DYNC2I1: variants seen among roughly 807,000 people sequenced by gnomAD.
DYNC2I1 encodes the protein dynein 2 intermediate chain 1.
In DYNC2I1, 89 loss-of-function variants were observed where a neutral mutation model predicts 133.4. That is an observed-to-expected ratio of 0.67 (90% CI 0.56 to 0.80). DYNC2I1 has a LOEUF of 0.80. Ranked by LOEUF, DYNC2I1 falls within the 30% of genes least tolerant of loss-of-function variation. The probability of loss-of-function intolerance (pLI) is 0.00; values close to 1 mark genes in which losing one functional copy is unlikely to be tolerated. For synonymous variants in DYNC2I1, 504 were observed against 484.3 expected, an observed-to-expected ratio of 1.04 and a Z score of -0.54; for missense variants, 1,291 against 1,314.5, an observed-to-expected ratio of 0.98 and a Z score of 0.28.
intron 13 of DYNC2I1, among the ~76,000 whole-genome samples, chr7:158,913,826 A>G (rs898119500): frequency 2.6e-5 from 4 of 152,120 alleles, no homozygotes; most frequent in African/African-American, 9.7e-5. Flanking sequence ...CTCCTGCCTC[A>G]GCCTCCCGAG....
chr7:158,924,221 T>C (rs2527187), intron 17 of DYNC2I1, among the ~76,000 whole-genome samples: 128,099 of 152,246 alleles, frequency 0.84, 54,038 homozygotes, highest in East Asian at 0.95. Flanking sequence ...CGCCCTAGTG[T>C]GTAGTGTACA....
At position 158,929,408 on chromosome 7, in the gene DYNC2I1, G is replaced by A. The variant is rs559972801; in HGVS notation, c.2486-1047G>A. 2.4e-3 allele frequency among the ~76,000 whole-genome samples: 359 copies of A among 149,788 alleles called. 1 individual carries two copies. Among genetic ancestry groups the A allele is most frequent in the African/African-American group, 8.5e-3 (339 of 39,892 alleles). On this transcript the variant is annotated intron_variant, in intron 20 of 24. Coordinates refer to ENST00000407559, the MANE Select transcript of DYNC2I1 (RefSeq NM_018051.5). ...GAAGGCCTGGCCAGAAAGGCTGCCC[G>A]TGGGCGGTGGCGTGTAGGGGCCCAG... is the stretch of plus-strand genomic sequence containing the variant.
At chr7:158,914,827 T>C (rs908147456) in intron 14 of DYNC2I1, among the ~76,000 whole-genome samples, 1 of 152,198 alleles carries the variant, frequency 6.6e-6, no homozygotes, top group Non-Finnish European at 1.5e-5. Flanking sequence ...CCATCAGTTA[T>C]TTTGAAACAA....
At chr7:158,956,042 T>C (rs1852189107) in intron 4 of DYNC2I1, among the ~76,000 whole-genome samples, 1 of 152,250 alleles carries the variant, frequency 6.6e-6, no homozygotes, top group Non-Finnish European at 1.5e-5. Flanking sequence ...TGGCCTGTCA[T>C]TGGATTTGTG....
At chr7:158,957,067 C>T (rs866230561), downstream of DYNC2I1, among the ~76,000 whole-genome samples, 1 of 152,218 alleles carries the variant, frequency 6.6e-6, no homozygotes, top group Non-Finnish European at 1.5e-5. Context: ...TGATCTATTT[C>T]GCTGCTGCTG....
rs151325432 is a variant in DYNC2I1 at position 158,891,129 on chromosome 7, G to A, written c.991-136G>A. On this transcript the variant is annotated intron_variant, in intron 7 of 24. Coordinates refer to ENST00000407559, the MANE Select transcript of DYNC2I1 (RefSeq NM_018051.5). The stretch of plus-strand genomic sequence containing the variant: ...CAGGCTGGGACCTGCATCCCAGAGC[G>A]TTAGTTTCGTAGTCTGTGCACCTGT... The A allele has an allele frequency of 5.4e-3, 4,719 of 877,966 alleles. 15 individuals are homozygous for A. The highest frequency in any genetic ancestry group is 0.014 in the Middle Eastern group (42 of 3,002). 54.4% of individuals were successfully genotyped at this position (877,966 alleles called of 1,614,324 possible). A position where few individuals can be genotyped will look rare whatever the true frequency, so the allele number is the denominator to read the frequency against.
downstream of DYNC2I1, among the ~76,000 whole-genome samples, chr7:158,958,606 A>G (rs947180089): frequency 6.6e-6 from 1 of 152,258 alleles, no homozygotes; most frequent in African/African-American, 2.4e-5. Context: ...CGCAAACTAC[A>G]CATTAGTTAA....
At chr7:158,900,116 C>CTT (rs869092810) in intron 8 of DYNC2I1, among the ~76,000 whole-genome samples, 16 of 137,062 alleles carry the variant, frequency 1.2e-4, no homozygotes, top group African/African-American at 1.9e-4. Context: ...GAATGTAATT[C>CTT]TTTTTTTTTT....
In DYNC2I1 at chr7:158,902,499, A is replaced by G; in HGVS notation, c.1261A>G (p.Arg421Gly). 5.0e-6 allele frequency: 8 copies of G among 1,614,072 alleles called. No individual in the cohort carries two copies. The highest frequency in any genetic ancestry group is 6.8e-6 in the Non-Finnish European group (8 of 1,179,894). The change falls in exon 10 of 25, where the codon AGA becomes GGA. Residue 421 changes from arginine (R) to glycine (G), a missense_variant. By Grantham distance (125) the Arg-to-Gly change is moderately radical. Coordinates refer to ENST00000407559, the MANE Select transcript of DYNC2I1 (RefSeq NM_018051.5). ...AAAAAAGGAAATACAAGAAATTCAA[A>G]GAGCTATTAATGCAGAAAATGAAAG... The part of the protein sequence containing the change: ...AQKKEIQEIQ[R>G]AINAENERIG...
At chr7:158,949,976 G>C (rs1852006494), downstream of DYNC2I1, among the ~76,000 whole-genome samples, 1 of 152,114 alleles carries the variant, frequency 6.6e-6, no homozygotes, top group African/African-American at 2.4e-5. Context: ...TCTCCATGTT[G>C]ATCAGGCTGG....
chr7:158,891,525 T>C (rs547574378), intron 8 of DYNC2I1, among the ~76,000 whole-genome samples, 192 bp downstream of exon 8: 1 of 152,204 alleles, frequency 6.6e-6, no homozygotes. Flanking sequence ...TCCTCGGTCA[T>C]GTTGAAAGCT....
intron 3 of DYNC2I1, among the ~76,000 whole-genome samples, chr7:158,875,396 TA>T (rs1584991619): frequency 6.6e-6 from 1 of 152,160 alleles, no homozygotes; most frequent in African/African-American, 2.4e-5. Context: ...CCCAGCCTGG[TA>T]AATGCTTTTT....
intron 11 of DYNC2I1, among the ~76,000 whole-genome samples, chr7:158,908,898 G>T (rs1158108205): frequency 2.0e-5 from 3 of 152,166 alleles, no homozygotes; most frequent in Non-Finnish European, 2.9e-5. Context: ...CCCCAGGGTG[G>T]TAAAGGACAC....
chr7:158,885,413 C>G (rs1844502219), intron 6 of DYNC2I1, among the ~76,000 whole-genome samples: 1 of 151,502 alleles, frequency 6.6e-6, no homozygotes, highest in East Asian at 1.9e-4. Flanking sequence ...GCAATCTCGG[C>G]TCACTGCAAC....
chr7:158,942,203 G>C (rs1585255114), intron 24 of DYNC2I1, 55 bp downstream of exon 24: 3 of 1,394,004 alleles, frequency 2.2e-6, no homozygotes, highest in Non-Finnish European at 2.9e-6. Context: ...TCGGCCACGG[G>C]TGCCACTTAC....
At chr7:158,853,309 G>A (rs1841096064), upstream of DYNC2I1, among the ~76,000 whole-genome samples, 1 of 152,174 alleles carries the variant, frequency 6.6e-6, no homozygotes, top group South Asian at 2.1e-4. Context: ...TTCAGGACAT[G>A]ATGGGAAGAG....
intron 5 of DYNC2I1, among the ~76,000 whole-genome samples, chr7:158,883,114 C>G (rs937871605): frequency 3.9e-5 from 6 of 151,930 alleles, no homozygotes; most frequent in African/African-American, 1.4e-4. Flanking sequence ...AGGTGCACTG[C>G]TAATAATTAC....
intron 8 of DYNC2I1, among the ~76,000 whole-genome samples, chr7:158,901,396 A>G (rs1454253052): frequency 2.6e-5 from 4 of 152,218 alleles, no homozygotes; most frequent in African/African-American, 4.8e-5. Context: ...TTAATGGTGT[A>G]GATAAGCTGA....
chr7:158,922,592 G>C, intron 16 of DYNC2I1, 43 bp downstream of exon 16: 3 of 1,585,980 alleles, frequency 1.9e-6, no homozygotes, highest in Non-Finnish European at 2.6e-6. Flanking sequence ...GGGAGGATGG[G>C]CAGTGGACAG....
Sources: gnomAD v4.1 joint callset for allele counts (sites outside exome capture counted in the v4.1 genomes callset) on GRCh38, gnomAD v4.1.1 for gene constraint, MANE v1.5 for transcripts, NCBI Gene and HGNC (gene_info 2026-07-23, HGNC 2026-07-21) for gene names.